ZDHHC24: variants seen among roughly 807,000 people sequenced by gnomAD.
ZDHHC24 encodes probable palmitoyltransferase ZDHHC24.
Under a neutral mutation model 23.2 loss-of-function variants are expected in ZDHHC24, and 17 were observed. That is an observed-to-expected ratio of 0.73 (90% CI 0.50 to 1.10). The LOEUF is 1.10. ZDHHC24 is among the 50% of genes least tolerant of loss of function. The pLI, the probability that ZDHHC24 is intolerant of heterozygous loss-of-function variation, is 0.00. For synonymous variants in ZDHHC24, 186 were observed against 194.5 expected, an observed-to-expected ratio of 0.96 and a Z score of 0.36; for missense variants, 366 against 393.0, an observed-to-expected ratio of 0.93 and a Z score of 0.58.
Position 66,539,544 on chromosome 11 carries a change from T to C in ZDHHC24, c.840A>G (p.Gly280=), listed in dbSNP as rs902469630. The C allele has an allele frequency of 7.6e-6, 12 of 1,578,662 alleles. No homozygotes were observed. Among genetic ancestry groups the C allele is most frequent in the Non-Finnish European group, 9.5e-6 (11 of 1,161,772 alleles). The change falls in exon 3 of 3, where the codon GGA becomes GGG. Residue 280 remains glycine (G), a synonymous_variant. Transcript: ENST00000310442. ...CTTCCTGGAGTCAGGAGGCTGTGTGTCCCACATCTGCTGTGGTCTGGAAGG... is the reference window on the plus strand; with the variant it reads ...CTTCCTGGAGTCAGGAGGCTGTGTGCCCCACATCTGCTGTGGTCTGGAAGG... ...GITFQTTADV[G]HTAS
intron 3 of ZDHHC24, among the ~76,000 whole-genome samples, chr11:66,528,298 A>C (rs1856608483): frequency 6.6e-6 from 1 of 152,248 alleles, no homozygotes; most frequent in Non-Finnish European, 1.5e-5. Flanking sequence ...AAGAATGCTT[A>C]AGTGGAGAGA....
chr11:66,542,205 A>G (rs969770576), intron 2 of ZDHHC24, among the ~76,000 whole-genome samples: 1 of 152,044 alleles, frequency 6.6e-6, no homozygotes, highest in Non-Finnish European at 1.5e-5. Context: ...GCAAGCTTAC[A>G]AGCAAACGGG....
In ZDHHC24 at chr11:66,539,097, C is replaced by T. The variant is rs11552045; in HGVS notation, c.*432G>A. The stretch of plus-strand genomic sequence containing the variant: ...CTGGATCAGTAGGACACTGCCTTGG[C>T]GTGCTGGTGCCCCACCCCCAACTCA... On this transcript the variant is annotated 3_prime_UTR_variant, in exon 3 of 3. Coordinates refer to ENST00000310442, the MANE Select transcript of ZDHHC24 (RefSeq NM_207340.3). 830 of 274,982 alleles carry T rather than the reference C, an allele frequency of 3.0e-3. 5 individuals are homozygous for T. The highest frequency in any genetic ancestry group is 0.017 in the African/African-American group (727 of 44,008). The allele number at this position is 274,982 out of a possible 1,614,324, so 17.0% of individuals were successfully genotyped here.
intron 4 of ZDHHC24, chr11:66,524,029 C>T: frequency 1.6e-6 from 2 of 1,252,670 alleles, no homozygotes; most frequent in Admixed American, 2.0e-5. Context: ...CCTGTAATCC[C>T]AGCACTTTGG....
intron 4 of ZDHHC24, chr11:66,526,079 T>C (rs1856475635): frequency 1.3e-6 from 2 of 1,597,786 alleles, no homozygotes; most frequent in Admixed American, 3.3e-5. Flanking sequence ...CTTGCTTTCC[T>C]CTCCAAGATA....
In ZDHHC24 at chr11:66,543,881, C is replaced by T. The variant is rs751079398; in HGVS notation, c.382G>A (p.Gly128Ser). Residue 128 changes from glycine (G) to serine (S), a missense_variant, in exon 2 of 3, where the codon GGC becomes AGC. By Grantham distance (56) the Gly-to-Ser change is moderately conservative. Transcript: ENST00000310442. ...TAGTTGCCGAAGCCCACGCAGCGGC[C>T]CAGCAGGCGGCAGTGGTGGTCCCGA... ...LRRDHHCRLL[G>S]RCVGFGNYRP... 1.2e-6 allele frequency: 2 copies of T among 1,613,962 alleles called. No individual in the cohort carries two copies. The highest frequency in any genetic ancestry group is 1.7e-5 in the Admixed American group (1 of 60,008).
downstream of ZDHHC24, chr11:66,532,088 C>T (rs757289650): frequency 1.7e-5 from 26 of 1,547,454 alleles, no homozygotes; most frequent in Admixed American, 5.8e-5. Flanking sequence ...GAGAACTGGG[C>T]GGGTTTAGTG....
chr11:66,532,032 G>T, downstream of ZDHHC24: 1 of 1,603,316 alleles, frequency 6.2e-7, no homozygotes, highest in Non-Finnish European at 8.5e-7. Flanking sequence ...GCTGGCGGCC[G>T]CCTGAGACCT....
At position 66,539,486 on chromosome 11, in the gene ZDHHC24, CT is replaced by C. The variant is rs1333219499; in HGVS notation, c.*42del. On this transcript the variant is annotated 3_prime_UTR_variant, in exon 3 of 3. Transcript: ENST00000310442. ...ACTGAGTCTAGGTGTGGGGGCCCCCCTCTCACCCCTTCCTCCCTGCACAGCT... is the reference window on the plus strand; with the variant it reads ...ACTGAGTCTAGGTGTGGGGGCCCCCCCTCACCCCTTCCTCCCTGCACAGCT... 6.7e-7 allele frequency: 1 copy of C among 1,490,828 alleles called. No homozygotes were observed. The highest frequency in any genetic ancestry group is 1.4e-5 in the South Asian group (1 of 71,130). 92.3% of individuals were successfully genotyped at this position (1,490,828 alleles called of 1,614,324 possible). A position where few individuals can be genotyped will look rare whatever the true frequency, so the allele number is the denominator to read the frequency against.
downstream of ZDHHC24, chr11:66,532,311 A>G (rs1054265236): frequency 7.7e-6 from 4 of 518,752 alleles, no homozygotes; most frequent in African/African-American, 5.8e-5. Flanking sequence ...TCCAGAAACC[A>G]TACTGGGCTC....
In ZDHHC24 at chr11:66,538,082, C is replaced by G. The variant is rs1376807070; in HGVS notation, c.*1447G>C. ...CCTGGCCAACATGGTGAAACCCTGTCTATACTAAAAATACAAAAAAATTAG... is the reference window on the plus strand; with the variant it reads ...CCTGGCCAACATGGTGAAACCCTGTGTATACTAAAAATACAAAAAAATTAG... On this transcript the variant is annotated 3_prime_UTR_variant, in exon 3 of 3. Transcript: ENST00000310442. 2.0e-5 allele frequency: 3 copies of G among 151,862 alleles called. No homozygotes were observed. The highest frequency in any genetic ancestry group is 7.3e-5 in the African/African-American group (3 of 41,324). 9.4% of individuals were successfully genotyped at this position (151,862 alleles called of 1,614,324 possible). A position where few individuals can be genotyped will look rare whatever the true frequency, so the allele number is the denominator to read the frequency against.
chr11:66,538,624 TC>T lies in ZDHHC24; in HGVS notation c.*904del, dbSNP rs554674100. On this transcript the variant is annotated 3_prime_UTR_variant, in exon 3 of 3. Coordinates refer to ENST00000310442, the MANE Select transcript of ZDHHC24 (RefSeq NM_207340.3). Reference sequence around the variant, plus strand: ...TTTCCCTTTGTATTATTTTTGATTTTCTTTACTATCATCTTAGAGAGATCCT... The same window carrying T: ...TTTCCCTTTGTATTATTTTTGATTTTTTTACTATCATCTTAGAGAGATCCT... 1.3e-5 allele frequency: 2 copies of T among 152,344 alleles called. No homozygotes were observed. The highest frequency in any genetic ancestry group is 3.9e-4 in the East Asian group (2 of 5,188). The allele number at this position is 152,344 out of a possible 1,614,324, so 9.4% of individuals were successfully genotyped here.
In ZDHHC24 at chr11:66,535,703, A is replaced by G. The variant is rs561787017; in HGVS notation, c.*3826T>C. On this transcript the variant is annotated 3_prime_UTR_variant, in exon 3 of 3. Transcript: ENST00000310442. ...CCCTGCTCATGAATGGGAAAATTCA[A>G]TTTTACACAGGTGCTGATTTTATCC... is the stretch of plus-strand genomic sequence containing the variant. 2.2e-4 allele frequency among the ~76,000 whole-genome samples: 33 copies of G among 152,328 alleles called. No individual in the cohort carries two copies. In the South Asian group the frequency reaches 3.9e-3, roughly 18 times the overall value.
rs367686869 is a variant in ZDHHC24 at position 66,521,317 on chromosome 11, T to G, written c.*171A>C. ...TCTTCCTAGAGGTTTCTGGCCAGTT[T>G]GATGTTGAGTTCCGGCTTGCCGCGG... On this transcript the variant is annotated 3_prime_UTR_variant, in exon 5 of 5. Transcript: ENST00000526986. The G allele has an allele frequency of 6.2e-7, 1 of 1,614,250 alleles. No homozygotes were observed. Among genetic ancestry groups the G allele is most frequent in the East Asian group, 2.2e-5 (1 of 44,886 alleles).
At chr11:66,534,192 C>A (rs1453638583), downstream of ZDHHC24, among the ~76,000 whole-genome samples, 1 of 151,308 alleles carries the variant, frequency 6.6e-6, no homozygotes, top group East Asian at 1.9e-4. Context: ...CACGTGTAAT[C>A]CCAGCACTTT....
intron 4 of ZDHHC24, among the ~76,000 whole-genome samples, chr11:66,525,097 G>A (rs982010447): frequency 1.2e-4 from 18 of 152,100 alleles, no homozygotes; most frequent in Admixed American, 9.8e-4. Flanking sequence ...CTACTCAGGA[G>A]GCTGAGGCAG....
chr11:66,544,030 C>A, intron 1 of ZDHHC24, 49 bp from the exon 2 acceptor site: 1 of 1,597,442 alleles, frequency 6.3e-7, no homozygotes, highest in Non-Finnish European at 8.5e-7. Context: ...TCAGATGCCC[C>A]ATATTGTGCA....
At chr11:66,542,619 G>T in intron 2 of ZDHHC24, 1 of 152,996 alleles carries the variant, frequency 6.5e-6, no homozygotes. Flanking sequence ...CATGGGAGGA[G>T]GGAAAGGAAG....
At position 66,545,930 on chromosome 11, in the gene ZDHHC24, C is replaced by T. The variant is rs766322972; in HGVS notation, c.74G>A (p.Trp25Ter). Residue 25 changes from tryptophan to a stop codon, truncating the protein, a stop_gained, in exon 1 of 3, where the codon TGG becomes TAG. Transcript: ENST00000310442. LOFTEE classifies it high-confidence loss of function. The surrounding 1 kb of genome is among the most constrained non-coding windows in gnomAD (Gnocchi z 4.5). ...CAGCTCCAGGCCCACGGCCGCGGCC[C>T]ACAGCGCGGTGAGCACGAGAGGCAG... is the stretch of plus-strand genomic sequence containing the variant. Reference protein sequence around the residue: ...AQLPLVLTALWAAAVGLELAY... With the variant: ...AQLPLVLTAL 6.6e-7 allele frequency: 1 copy of T among 1,509,560 alleles called. No individual in the cohort carries two copies. Among genetic ancestry groups the T allele is most frequent in the South Asian group, 1.2e-5 (1 of 80,776 alleles). The allele number at this position is 1,509,560 out of a possible 1,614,324, so 93.5% of individuals were successfully genotyped here. A position where few individuals can be genotyped will look rare whatever the true frequency, so the allele number is the denominator to read the frequency against.
Sources: allele counts gnomAD v4.1 joint callset (sites outside exome capture counted in the v4.1 genomes callset), GRCh38; gene constraint gnomAD v4.1.1; non-coding constraint Gnocchi (gnomAD v3.1); transcripts MANE v1.5; gene names NCBI Gene and HGNC (gene_info 2026-07-23, HGNC 2026-07-21).